ARHGAP10: variants seen among roughly 807,000 people sequenced by gnomAD.
ARHGAP10 encodes the protein rho GTPase-activating protein 10.
Under a neutral mutation model 108.6 loss-of-function variants are expected in ARHGAP10, and 87 were observed. That is an observed-to-expected ratio of 0.80 (90% CI 0.67 to 0.96). The LOEUF is 0.96. Among genes scored for constraint, ARHGAP10 ranks in the 40% least tolerant of loss-of-function variants. The pLI, the probability that ARHGAP10 is intolerant of heterozygous loss-of-function variation, is 0.00. For missense variants in ARHGAP10, 939 were observed against 954.5 expected (o/e 0.98, Z 0.21); for synonymous variants, 347 against 341.1 (o/e 1.02, Z -0.19).
chr4:148,038,555 C>T (rs1463374141), intron 19 of ARHGAP10, among the ~76,000 whole-genome samples: 2 of 152,198 alleles, frequency 1.3e-5, no homozygotes, highest in African/African-American at 4.8e-5. Flanking sequence ...TCTTCCAATA[C>T]AGACATTCAG....
chr4:147,741,563 G>A (rs1728656276), intron 1 of ARHGAP10, among the ~76,000 whole-genome samples: 1 of 152,112 alleles, frequency 6.6e-6, no homozygotes, highest in Admixed American at 6.6e-5. Flanking sequence ...GGGACTGGAT[G>A]GTATCTTGTG....
intron 7 of ARHGAP10, among the ~76,000 whole-genome samples, chr4:147,868,224 ATGT>A (rs1734646522): frequency 6.6e-6 from 1 of 151,008 alleles, no homozygotes; most frequent in Non-Finnish European, 1.5e-5. Flanking sequence ...ATTGAGTCTA[ATGT>A]TGTTGAGTTT....
At chr4:147,814,634 A>C (rs1732159645) in intron 1 of ARHGAP10, among the ~76,000 whole-genome samples, 1 of 152,100 alleles carries the variant, frequency 6.6e-6, no homozygotes, top group Non-Finnish European at 1.5e-5. Flanking sequence ...TTATTTGCCA[A>C]GTTACTATAT....
intron 19 of ARHGAP10, among the ~76,000 whole-genome samples, chr4:148,046,610 A>G (rs541383613): frequency 6.6e-6 from 1 of 152,296 alleles, no homozygotes; most frequent in African/African-American, 2.4e-5. Flanking sequence ...ATAGTGAGGA[A>G]GTCATTGTGG....
In ARHGAP10 at chr4:148,063,302, T is replaced by TA. The variant is rs777301459; in HGVS notation, c.2180+3dup. 2 of 1,613,992 alleles carry TA rather than the reference T, an allele frequency of 1.2e-6. No individual in the cohort carries two copies. The highest frequency in any genetic ancestry group is 2.7e-5 in the African/African-American group (2 of 74,896). On this transcript the variant is annotated splice_region_variant and intron_variant, in intron 21 of 22. Transcript: ENST00000336498. The stretch of plus-strand genomic sequence containing the variant: ...TGTAGCGGACAAGCCACCTGAAAGG[T>TA]ACGTGGTTTGGAGTGGAATGTGGAA...
intron 4 of ARHGAP10, among the ~76,000 whole-genome samples, chr4:147,853,942 A>G (rs74771124): frequency 1.0e-3 from 159 of 152,228 alleles, no homozygotes; most frequent in South Asian, 7.5e-3. Context: ...GCCAGCACCA[A>G]TGGTTGAATC....
intron 19 of ARHGAP10, among the ~76,000 whole-genome samples, chr4:148,031,404 A>G (rs1472367346): frequency 1.3e-5 from 2 of 152,176 alleles, no homozygotes; most frequent in African/African-American, 4.8e-5. Context: ...AGGTAGTATT[A>G]TTATCCCTAT....
intron 18 of ARHGAP10, among the ~76,000 whole-genome samples, chr4:148,018,390 C>CTTGGCAATGTGTATATAA (rs1399711546): frequency 1.3e-5 from 2 of 152,112 alleles, no homozygotes; most frequent in African/African-American, 4.8e-5. Context: ...ATATACACAT[C>CTTGGCAATGTGTATATAA]TTGGCAATGT....
chr4:147,929,557 T>C (rs1454468120), intron 13 of ARHGAP10, among the ~76,000 whole-genome samples: 4 of 152,234 alleles, frequency 2.6e-5, no homozygotes, highest in African/African-American at 9.6e-5. Context: ...TAGTGCTTAC[T>C]GAGGACTAGT....
chr4:147,882,367 G>A (rs1372769159), intron 10 of ARHGAP10, among the ~76,000 whole-genome samples: 4 of 151,860 alleles, frequency 2.6e-5, no homozygotes, highest in East Asian at 1.9e-4. Context: ...GGAGGCTGAG[G>A]CAGGAGAACC....
chr4:147,913,209 C>T, intron 13 of ARHGAP10, 70 bp downstream of exon 13: 1 of 1,395,266 alleles, frequency 7.2e-7, no homozygotes, highest in South Asian at 1.2e-5. Flanking sequence ...ATTAAAAATA[C>T]TTCTTGCTTT....
At chr4:147,774,825 A>G (rs1730222186) in intron 1 of ARHGAP10, among the ~76,000 whole-genome samples, 1 of 152,098 alleles carries the variant, frequency 6.6e-6, no homozygotes, top group South Asian at 2.1e-4. Context: ...GAGTCTCAAC[A>G]GGACCCCCAG....
intron 18 of ARHGAP10, among the ~76,000 whole-genome samples, chr4:147,969,046 G>A (rs1383319190): frequency 6.6e-6 from 1 of 152,208 alleles, no homozygotes; most frequent in Non-Finnish European, 1.5e-5. Flanking sequence ...TACATATTAG[G>A]TGTTAATACT....
At chr4:147,749,640 A>C (rs1267998993) in intron 1 of ARHGAP10, among the ~76,000 whole-genome samples, 4 of 152,246 alleles carry the variant, frequency 2.6e-5, no homozygotes, top group Non-Finnish European at 4.4e-5. Flanking sequence ...AAAGTTGTCT[A>C]AATTATTTTC....
intron 3 of ARHGAP10, among the ~76,000 whole-genome samples, chr4:147,823,342 G>A (rs1195346296): frequency 6.6e-6 from 1 of 152,228 alleles, no homozygotes; most frequent in Non-Finnish European, 1.5e-5. Flanking sequence ...GCTGGGCAAT[G>A]TTAGTGCCTG....
chr4:147,791,716 C>T (rs1026740513), intron 1 of ARHGAP10, among the ~76,000 whole-genome samples: 1 of 152,090 alleles, frequency 6.6e-6, no homozygotes, highest in Non-Finnish European at 1.5e-5. Context: ...TCCCGAGTAG[C>T]TGAGATTATA....
chr4:147,886,282 AGAT>A (rs997587780), intron 10 of ARHGAP10, among the ~76,000 whole-genome samples: 11 of 152,350 alleles, frequency 7.2e-5, no homozygotes, highest in African/African-American at 2.6e-4. Context: ...GTATGGCTTC[AGAT>A]GATGCTTTCA....
At chr4:147,951,382 A>T (rs1578725957) in intron 15 of ARHGAP10, among the ~76,000 whole-genome samples, 2 of 139,148 alleles carry the variant, frequency 1.4e-5, no homozygotes, top group Admixed American at 7.5e-5. Flanking sequence ...CTTTCTCCTT[A>T]TTTAGGCTGT....
chr4:147,743,413 G>A (rs955003526), intron 1 of ARHGAP10, among the ~76,000 whole-genome samples: 1 of 152,172 alleles, frequency 6.6e-6, no homozygotes, highest in Non-Finnish European at 1.5e-5. Flanking sequence ...TTGAAACCAG[G>A]TTTACTTACT....
Sources: gnomAD v4.1 joint callset for allele counts (sites outside exome capture counted in the v4.1 genomes callset) on GRCh38, gnomAD v4.1.1 for gene constraint, MANE v1.5 for transcripts, NCBI Gene and HGNC (gene_info 2026-07-23, HGNC 2026-07-21) for gene names.